Variants in ANKFN1 observed in about 807,000 individuals in gnomAD.
The protein encoded by ANKFN1 is ankyrin repeat and fibronectin type III domain containing 1, also known as ankyrin repeat and fibronectin type-III domain-containing protein 1.
In ANKFN1, 74 loss-of-function variants were observed where a neutral mutation model predicts 108.7. The ratio of observed to expected loss-of-function variants is 0.68; its 90% CI spans 0.56 to 0.83. ANKFN1 has a LOEUF of 0.83. Ranked by LOEUF, ANKFN1 falls within the 40% of genes least tolerant of loss-of-function variation. The pLI is 0.00. For missense variants in ANKFN1, 1,505 were observed against 1,382.3 expected (o/e 1.09, Z -1.41); for synonymous variants, 547 against 516.2 (o/e 1.06, Z -0.81).
chr17:56,075,701 G>A (rs1905173564), intron 4 of ANKFN1, among the ~76,000 whole-genome samples: 1 of 152,086 alleles, frequency 6.6e-6, no homozygotes, highest in Admixed American at 6.6e-5. Flanking sequence ...GCTTTGCAAA[G>A]GGCCACTTAG....
At chr17:56,096,769 C>T (rs944167982) in intron 4 of ANKFN1, among the ~76,000 whole-genome samples, 6 of 152,122 alleles carry the variant, frequency 3.9e-5, no homozygotes, top group African/African-American at 1.4e-4. Flanking sequence ...TGGGTGTATA[C>T]CCAAAGGAAT....
chr17:56,391,461 C>G (rs1287361614), intron 8 of ANKFN1, among the ~76,000 whole-genome samples: 1 of 150,712 alleles, frequency 6.6e-6, no homozygotes, highest in African/African-American at 2.5e-5. Context: ...CAGTCTCGCT[C>G]TGTCACCCAG....
intron 4 of ANKFN1, among the ~76,000 whole-genome samples, chr17:56,091,982 T>C (rs1296321956): frequency 6.6e-6 from 1 of 151,450 alleles, no homozygotes; most frequent in Non-Finnish European, 1.5e-5. Flanking sequence ...CTTAATTGGA[T>C]GGCATTTCCA....
chr17:56,287,183 C>T (rs747611758), intron 3 of ANKFN1, among the ~76,000 whole-genome samples: 6 of 152,052 alleles, frequency 3.9e-5, no homozygotes, highest in African/African-American at 9.7e-5. Context: ...TACTCAAAGT[C>T]GCAGAGCTGG....
chr17:56,456,673 A>G (rs898128119), intron 11 of ANKFN1, among the ~76,000 whole-genome samples, 188 bp from the exon 12 acceptor site: 2 of 151,856 alleles, frequency 1.3e-5, no homozygotes, highest in Non-Finnish European at 2.9e-5. Flanking sequence ...TGGGATTACC[A>G]GCGAGAGCCA....
chr17:56,399,973 T>C (rs540333942), intron 8 of ANKFN1, among the ~76,000 whole-genome samples: 1 of 150,116 alleles, frequency 6.7e-6, no homozygotes, highest in East Asian at 1.9e-4. Flanking sequence ...ATTTTTTTAA[T>C]CCACTTGTGG....
intron 4 of ANKFN1, among the ~76,000 whole-genome samples, chr17:56,077,419 G>C (rs550852468): frequency 6.6e-6 from 1 of 152,124 alleles, no homozygotes; most frequent in African/African-American, 2.4e-5. Context: ...CTATGGACCC[G>C]ATCTAAACCT....
At chr17:56,172,082 ATATAGTTTATTTTATAC>A (rs1296087650) in intron 1 of ANKFN1, among the ~76,000 whole-genome samples, 1 of 152,184 alleles carries the variant, frequency 6.6e-6, no homozygotes, top group African/African-American at 2.4e-5. Context: ...TGAATGACTA[ATATAGTTTATTTTATAC>A]TCTCTGCTTT....
intron 4 of ANKFN1, among the ~76,000 whole-genome samples, chr17:56,144,841 T>C (rs1011571621): frequency 2.6e-5 from 4 of 152,208 alleles, no homozygotes; most frequent in Non-Finnish European, 5.9e-5. Context: ...CACTGCCCTT[T>C]CCTGCTTTCC....
At chr17:56,170,807 T>TATATATATACATACAC (rs1361307404) in intron 1 of ANKFN1, among the ~76,000 whole-genome samples, 1 of 61,452 alleles carries the variant, frequency 1.6e-5, no homozygotes, top group African/African-American at 7.0e-5. Context: ...TATATATATA[T>TATATATATACATACAC]ACACACACAC....
intron 8 of ANKFN1, among the ~76,000 whole-genome samples, chr17:56,410,090 T>C (rs2048042382): frequency 6.6e-6 from 1 of 152,196 alleles, no homozygotes; most frequent in Non-Finnish European, 1.5e-5. Context: ...TAATTTTATA[T>C]TGTTGTATTT....
In ANKFN1 at chr17:56,510,854, G is replaced by A. The variant is rs1402156779; in HGVS notation, c.3026G>A (p.Gly1009Asp). 9 of 1,536,098 alleles carry A rather than the reference G, an allele frequency of 5.9e-6. No homozygotes were observed. Among genetic ancestry groups the A allele is most frequent in the Middle Eastern group, 1.7e-4 (1 of 5,990 alleles). The part of the protein sequence containing the change: ...KRKPGKHPHY[G>D]GFSRHHRWLR... Reference sequence around the variant, plus strand: ...AAGCCAGGCAAGCACCCCCACTATGGCGGCTTCAGCCGCCATCATCGCTGG... The same window carrying A: ...AAGCCAGGCAAGCACCCCCACTATGACGGCTTCAGCCGCCATCATCGCTGG... The change falls in exon 21 of 21, where the codon GGC (glycine) becomes GAC (aspartate). Residue 1009 changes from glycine to aspartate, a missense_variant. Transcript: ENST00000682825.
chr17:56,090,520 T>A (rs1905392817), intron 4 of ANKFN1, among the ~76,000 whole-genome samples: 1 of 151,278 alleles, frequency 6.6e-6, no homozygotes, highest in Non-Finnish European at 1.5e-5. Context: ...GCCTTTTTGC[T>A]TTTCTTTCTT....
chr17:56,083,961 G>A (rs1296712007), intron 4 of ANKFN1, among the ~76,000 whole-genome samples: 1 of 151,200 alleles, frequency 6.6e-6, no homozygotes, highest in Non-Finnish European at 1.5e-5. Context: ...TCCTCAGGCT[G>A]GTACCATGAA....
chr17:56,278,406 C>T (rs559619689), intron 3 of ANKFN1, among the ~76,000 whole-genome samples: 7 of 152,294 alleles, frequency 4.6e-5, no homozygotes, highest in Admixed American at 1.3e-4. Context: ...ATGATTTTCT[C>T]CTCTAATCTG....
At chr17:56,508,716 T>C (rs1355417428) in intron 20 of ANKFN1, among the ~76,000 whole-genome samples, 2 of 152,242 alleles carry the variant, frequency 1.3e-5, no homozygotes, top group Non-Finnish European at 2.9e-5. Flanking sequence ...CCCTCTTTCC[T>C]ATATACCTAC....
chr17:56,230,143 A>G (rs1916623240), intron 3 of ANKFN1, among the ~76,000 whole-genome samples: 1 of 152,160 alleles, frequency 6.6e-6, no homozygotes, highest in Admixed American at 6.6e-5. Context: ...GGAAATGTAT[A>G]TGCAACACAT....
chr17:56,197,750 T>A (rs1459082580), intron 1 of ANKFN1, among the ~76,000 whole-genome samples: 4 of 152,238 alleles, frequency 2.6e-5, no homozygotes, highest in Non-Finnish European at 5.9e-5. Flanking sequence ...TTAAACCAAG[T>A]GGAAAATAAT....
chr17:56,324,402 G>C (rs1223824079), intron 3 of ANKFN1, among the ~76,000 whole-genome samples: 1 of 152,116 alleles, frequency 6.6e-6, no homozygotes, highest in East Asian at 1.9e-4. Flanking sequence ...GACTCAACTT[G>C]AGTATTTGCT....
Sources: gnomAD v4.1 joint callset for allele counts (sites outside exome capture counted in the v4.1 genomes callset) on GRCh38, gnomAD v4.1.1 for gene constraint, MANE v1.5 for transcripts, NCBI Gene and HGNC (gene_info 2026-07-23, HGNC 2026-07-21) for gene names.